The following PCDHA9 variants were observed in gnomAD, a reference collection of about 807,000 sequenced individuals.
PCDHA9 encodes protocadherin alpha 9, also known as protocadherin alpha-9.
A neutral mutation model predicts 62.0 loss-of-function variants in PCDHA9; 62 were observed. That is an observed-to-expected ratio of 1.00 (90% CI 0.81 to 1.23). The LOEUF is 1.23. Among genes scored for constraint, PCDHA9 ranks in the 50% most tolerant of loss-of-function variants. The pLI, the probability that PCDHA9 is intolerant of heterozygous loss-of-function variation, is 0.00. For missense variants in PCDHA9, 1,205 were observed against 1,249.8 expected, an observed-to-expected ratio of 0.96 and a Z score of 0.54; for synonymous variants, 557 against 567.6, an observed-to-expected ratio of 0.98 and a Z score of 0.27.
chr5:140,988,206 G>GA (rs200168674), intron 3 of PCDHA9, among the ~76,000 whole-genome samples: 41 of 150,634 alleles, frequency 2.7e-4, no homozygotes, highest in Admixed American at 4.6e-4. Flanking sequence ...TCCTTATTAG[G>GA]AAAAAAAAAT....
intron 1 of PCDHA9, chr5:140,869,094 T>C (rs2050847018): frequency 6.3e-7 from 1 of 1,592,284 alleles, no homozygotes; most frequent in Non-Finnish European, 8.6e-7. Context: ...GGAAGCCAAT[T>C]TCGTATGCGA....
At chr5:140,877,583 T>A (rs782090888) in intron 1 of PCDHA9, 2 of 1,613,816 alleles carry the variant, frequency 1.2e-6, no homozygotes, top group East Asian at 4.5e-5. Context: ...ATCATCGCCA[T>A]CTGTGCGGTG....
In PCDHA9 at chr5:140,857,765, G is replaced by A. The variant is rs374400381; in HGVS notation, c.2394+6876G>A. The stretch of plus-strand genomic sequence containing the variant: ...GCTGGCGTCTCCCGCTGGCAGCGCG[G>A]GCGGTGCAGTCAGTGAGCTGGTGCT... On this transcript the variant is annotated intron_variant, in intron 1 of 3. Coordinates refer to ENST00000532602, the MANE Select transcript of PCDHA9 (RefSeq NM_031857.2). The A allele has an allele frequency of 6.1e-5, 98 of 1,597,608 alleles. 8 individuals are homozygous for A. In the African/African-American group the frequency reaches 1.2e-3, roughly 19 times the overall value.
At chr5:140,882,961 G>A (rs267600401) in intron 1 of PCDHA9, 1 of 1,614,180 alleles carries the variant, frequency 6.2e-7, no homozygotes, top group Non-Finnish European at 8.5e-7. Context: ...TGCTCATCAC[G>A]ATTCTGGACG....
intron 1 of PCDHA9, among the ~76,000 whole-genome samples, chr5:140,902,368 A>G (rs1554190412): frequency 6.6e-6 from 1 of 151,696 alleles, no homozygotes; most frequent in Admixed American, 6.6e-5. Flanking sequence ...TCTCTTGTCT[A>G]ATTGCTCTAG....
At chr5:140,948,269 A>G (rs1339240276) in intron 1 of PCDHA9, among the ~76,000 whole-genome samples, 1 of 151,602 alleles carries the variant, frequency 6.6e-6, no homozygotes, top group Non-Finnish European at 1.5e-5. Flanking sequence ...GTTCATGTAG[A>G]ATATCTGTAA....
rs17844334 is a variant in PCDHA9 at position 140,850,512 on chromosome 5, G to C, written c.2017G>C (p.Gly673Arg). The change falls in exon 1 of 4, where the codon GGC (glycine) becomes CGC (arginine). Residue 673 changes from glycine (G) to arginine (R), a missense_variant. Physicochemically the swap from Gly to Arg is moderately radical, Grantham distance 125. Transcript: ENST00000532602. ...ATVLVSLVES[G>R]QAPKSSSRAS... ...TGTGCTGGTGTCGCTGGTGGAGAGCGGCCAGGCGCCAAAGTCATCGTCGCG... is the reference window on the plus strand; with the variant it reads ...TGTGCTGGTGTCGCTGGTGGAGAGCCGCCAGGCGCCAAAGTCATCGTCGCG... The C allele has an allele frequency of 2.1e-4, 342 of 1,598,262 alleles. 9 individuals carry two copies. The East Asian group carries it at 6.3e-3, about 30-fold the overall frequency.
rs2098414886 is a variant in PCDHA9, at chr5:141,009,848, A to T, written c.2764A>T (p.Thr922Ser). 7 of 1,614,012 alleles carry T rather than the reference A, an allele frequency of 4.3e-6. No homozygotes were observed. Among genetic ancestry groups the T allele is most frequent in the Non-Finnish European group, 5.1e-6 (6 of 1,180,014 alleles). ...DFITFGKKEE[T>S]KKKKKKKKGN... ...CATAACCTTCGGCAAAAAGGAGGAGACCAAGAAAAAGAAGAAAAAGAAGAA... is the reference window on the plus strand; with the variant it reads ...CATAACCTTCGGCAAAAAGGAGGAGTCCAAGAAAAAGAAGAAAAAGAAGAA... The change falls in exon 4 of 4, where the codon ACC becomes TCC. Residue 922 changes from threonine (T) to serine (S), a missense_variant. Thr to Ser is a moderately conservative substitution (Grantham distance 58). Around this residue, in one of 3 missense-constraint regions of PCDHA9, gnomAD observed 887 missense variants for 809.5 expected, o/e 1.10. Transcript: ENST00000532602.
intron 3 of PCDHA9, among the ~76,000 whole-genome samples, chr5:141,003,809 G>C (rs1554259330): frequency 6.6e-6 from 1 of 152,290 alleles, no homozygotes; most frequent in African/African-American, 2.4e-5. Flanking sequence ...GTAATCTGTA[G>C]TCTGGGAAGG....
intron 1 of PCDHA9, chr5:140,866,780 G>C (rs1327991487): frequency 6.6e-6 from 1 of 152,092 alleles, no homozygotes; most frequent in Admixed American, 6.6e-5. Flanking sequence ...TGTATGTCCT[G>C]ACTGATATAG....
intron 3 of PCDHA9, among the ~76,000 whole-genome samples, chr5:140,999,199 A>G (rs1354176825): frequency 2.0e-5 from 3 of 152,228 alleles, no homozygotes; most frequent in Non-Finnish European, 4.4e-5. Context: ...CTTGGAAAAG[A>G]GAATTTCTGG....
Position 140,848,892 on chromosome 5 carries a change from T to C in PCDHA9, c.397T>C (p.Phe133Leu). Residue 133 changes from phenylalanine (F) to leucine (L), a missense_variant, in exon 1 of 4, where the codon TTC becomes CTC. Transcript: ENST00000532602. ...GGACATTAACGACAACCCTCCAGTG[T>C]TCCCAGCGACACAAAAGAATCTGTT... ...VKDINDNPPVFPATQKNLFIA... is the reference protein window; with the variant it reads ...VKDINDNPPVLPATQKNLFIA... 1 of 1,601,494 alleles carries C rather than the reference T, an allele frequency of 6.2e-7. No individual in the cohort carries two copies. The highest frequency in any genetic ancestry group is 2.2e-5 in the East Asian group (1 of 44,822).
chr5:140,876,477 G>A, intron 1 of PCDHA9: 1 of 1,614,034 alleles, frequency 6.2e-7, no homozygotes, highest in Non-Finnish European at 8.5e-7. Flanking sequence ...GTCACAGCAT[G>A]GTCCTGGTGG....
chr5:140,983,218 C>T (rs757778991), intron 3 of PCDHA9, among the ~76,000 whole-genome samples: 10 of 152,128 alleles, frequency 6.6e-5, no homozygotes, highest in Non-Finnish European at 1.5e-4. Flanking sequence ...ATTTCCTAAT[C>T]CAAACTTTCA....
At chr5:140,870,837 G>A (rs782610375) in intron 1 of PCDHA9, 9 of 1,613,702 alleles carry the variant, frequency 5.6e-6, no homozygotes, top group African/African-American at 1.3e-5. Flanking sequence ...CAGTTAACAA[G>A]CTAGTACCGC....
In PCDHA9 at chr5:140,856,749, C is replaced by T. The variant is rs146132566; in HGVS notation, c.2394+5860C>T. The T allele has an allele frequency of 1.3e-4, 214 of 1,595,860 alleles. 19 individuals carry two copies. In the Middle Eastern group the frequency reaches 4.3e-3, roughly 32 times the overall value. On this transcript the variant is annotated intron_variant, in intron 1 of 3. Transcript: ENST00000532602. ...TCTCTGCTGATCCTGGTGTTAGATGCCAATGATAACGCCCCTATCTTTGAC... is the reference window on the plus strand; with the variant it reads ...TCTCTGCTGATCCTGGTGTTAGATGTCAATGATAACGCCCCTATCTTTGAC...
rs552420407 is a variant in PCDHA9, at chr5:140,883,937, G to A, written c.2394+33048G>A. Reference sequence around the variant, plus strand: ...CGTGACGCTGCAGGTGTTCGTGCTGGACGAGAACGACAACGCTCCGGCGCT... The same window carrying A: ...CGTGACGCTGCAGGTGTTCGTGCTGAACGAGAACGACAACGCTCCGGCGCT... On this transcript the variant is annotated intron_variant, in intron 1 of 3. Transcript: ENST00000532602. The A allele has an allele frequency of 5.6e-6, 9 of 1,613,414 alleles. 1 individual carries two copies. The South Asian group carries it at 9.9e-5, about 18-fold the overall frequency.
At chr5:140,857,718 A>G in intron 1 of PCDHA9, 1 of 1,597,160 alleles carries the variant, frequency 6.3e-7, no homozygotes, top group Non-Finnish European at 8.6e-7. Context: ...GTGCTGGACG[A>G]GAACGACAAC....
At position 140,982,579 on chromosome 5, in the gene PCDHA9, C is replaced by G. The variant is rs781915481; in HGVS notation, c.2542+16C>G. 7 of 1,612,084 alleles carry G rather than the reference C, an allele frequency of 4.3e-6. No individual in the cohort carries two copies. In the Admixed American group the frequency reaches 1.2e-4, roughly 27 times the overall value. On this transcript the variant is annotated intron_variant, in intron 3 of 3. Coordinates refer to ENST00000532602, the MANE Select transcript of PCDHA9 (RefSeq NM_031857.2). ...GCAACACCAGGTAAAGAGCTGGGGT[C>G]TCTCCATTCTTTCTTGGTTTCTGGA...
Sources: gnomAD v4.1 joint callset for allele counts (sites outside exome capture counted in the v4.1 genomes callset) on GRCh38, gnomAD v4.1.1 for gene constraint, gnomAD v4.1.1 regional missense constraint, MANE v1.5 for transcripts, NCBI Gene and HGNC (gene_info 2026-07-23, HGNC 2026-07-21) for gene names.